ZNF318: variants seen among roughly 807,000 people sequenced by gnomAD.
ZNF318 encodes endocrine regulator.
In ZNF318, 51 loss-of-function variants were observed where a neutral mutation model predicts 124.2. The ratio of observed to expected loss-of-function variants is 0.41; its 90% CI spans 0.33 to 0.52. ZNF318 has a LOEUF of 0.52. Among genes scored for constraint, ZNF318 ranks in the 20% least tolerant of loss-of-function variants. ZNF318 has a pLI of 0.23. For missense variants in ZNF318, 2,815 were observed against 2,811.2 expected, an observed-to-expected ratio of 1.00 and a Z score of -0.03; for synonymous variants, 1,090 against 1,040.7, an observed-to-expected ratio of 1.05 and a Z score of -0.91.
Position 43,357,428 on chromosome 6 carries a change from T to C in ZNF318, c.886A>G (p.Thr296Ala), listed in dbSNP as rs775472884. 6.2e-7 allele frequency: 1 copy of C among 1,613,984 alleles called. No individual in the cohort carries two copies. Among genetic ancestry groups the C allele is most frequent in the Non-Finnish European group, 8.5e-7 (1 of 1,179,964 alleles). Residue 296 changes from threonine (T) to alanine (A), a missense_variant, in exon 3 of 10, where the codon ACT becomes GCT. By Grantham distance (58) the Thr-to-Ala change is moderately conservative. This residue lies in a region of ZNF318 where 1,377 missense variants were observed against 1,353.5 expected (regional missense o/e 1.02). Coordinates refer to ENST00000361428, the MANE Select transcript of ZNF318 (RefSeq NM_014345.3). ...CTTCTACGCTGTCGATAGTTGCGAGTTCCTGATGTAAAACTTGGGTGATCC... is the reference window on the plus strand; with the variant it reads ...CTTCTACGCTGTCGATAGTTGCGAGCTCCTGATGTAAAACTTGGGTGATCC... Reference protein sequence around the residue: ...GGDHPSFTSGTRNYRQRRRSP... With the variant: ...GGDHPSFTSGARNYRQRRRSP...
chr6:43,339,584 T>C lies in ZNF318; in HGVS notation c.4414A>G (p.Ile1472Val), dbSNP rs200747117. 4.7e-5 allele frequency: 76 copies of C among 1,609,828 alleles called. No homozygotes were observed. The highest frequency in any genetic ancestry group is 5.1e-5 in the Non-Finnish European group (60 of 1,179,532). Residue 1472 changes from isoleucine to valine, a missense_variant, in exon 10 of 10, where the codon ATC becomes GTC. Physicochemically the swap from Ile to Val is conservative, Grantham distance 29 (BLOSUM62 3). Coordinates refer to ENST00000361428, the MANE Select transcript of ZNF318 (RefSeq NM_014345.3). The surrounding 1 kb of genome is among the most constrained non-coding windows in gnomAD (Gnocchi z 4.2). ...GGGTTTGATTTTACTGGAGCCAAGA[T>C]AGCATTTGCTTGAGCAGCAGACGGG... is the stretch of plus-strand genomic sequence containing the variant. ...AAPSAAQANA[I>V]LAPVKSNPVV... is the part of the protein sequence containing the mutation.
rs377713816 is a variant in ZNF318, at chr6:43,339,594, T to C, written c.4404A>G (p.Gln1468=). Residue 1468 remains glutamine, a synonymous_variant, in exon 10 of 10, where the codon CAA becomes CAG. Coordinates refer to ENST00000361428, the MANE Select transcript of ZNF318 (RefSeq NM_014345.3). This position sits in a 1 kb window ranked among gnomAD's most constrained non-coding sequence, Gnocchi z 4.2. ...TTACTGGAGCCAAGATAGCATTTGC[T>C]TGAGCAGCAGACGGGGCAGCTGGAT... ...IPHPAAPSAA[Q]ANAILAPVKS... 7 of 1,612,974 alleles carry C rather than the reference T, an allele frequency of 4.3e-6. No homozygotes were observed. In the African/African-American group the frequency reaches 8.1e-5, roughly 19 times the overall value.
chr6:43,351,760 CAAAA>C lies in ZNF318; in HGVS notation c.2770+613_2770+616del, dbSNP rs373851813. Among the ~76,000 whole-genome samples the C allele has an allele frequency of 2.4e-5, 3 of 125,320 alleles. No individual in the cohort carries two copies. The East Asian group carries it at 6.8e-4, about 28-fold the overall frequency. The allele number at this position is 125,320 out of a possible 152,430, so 82.2% of individuals were successfully genotyped here. A position where few individuals can be genotyped will look rare whatever the true frequency, so the allele number is the denominator to read the frequency against. ...TGGGCAACAGAGCGAGGCTCCATCT[CAAAA>C]AAAAAAAAAAGTTCAGGAAAAATTA... On this transcript the variant is annotated intron_variant, in intron 5 of 9. Transcript: ENST00000361428.
intron 5 of ZNF318, 36 bp downstream of exon 5, chr6:43,352,341 T>C (rs1779541395): frequency 1.9e-5 from 27 of 1,428,162 alleles, no homozygotes; most frequent in Non-Finnish European, 2.4e-5. Flanking sequence ...CTACGCAAGT[T>C]ATTACAAAAA....
chr6:43,362,783 T>G (rs752633449), intron 2 of ZNF318, among the ~76,000 whole-genome samples: 1 of 152,142 alleles, frequency 6.6e-6, no homozygotes, highest in South Asian at 2.1e-4. Context: ...GGATTACAGG[T>G]ATGAGCCACT....
At chr6:43,356,488 C>A (rs947647457) in intron 3 of ZNF318, among the ~76,000 whole-genome samples, 2 of 152,174 alleles carry the variant, frequency 1.3e-5, no homozygotes, top group Non-Finnish European at 2.9e-5. Context: ...GCTGCTTTGG[C>A]TGAAGTGGGG....
At chr6:43,347,537 T>C (rs1779463840) in intron 6 of ZNF318, among the ~76,000 whole-genome samples, 1 of 152,154 alleles carries the variant, frequency 6.6e-6, no homozygotes. Flanking sequence ...CAGTATGCCA[T>C]TCATTGAGAA....
At chr6:43,353,687 T>A (rs1315251377) in intron 4 of ZNF318, among the ~76,000 whole-genome samples, 1 of 152,214 alleles carries the variant, frequency 6.6e-6, no homozygotes, top group Non-Finnish European at 1.5e-5. Flanking sequence ...TCTTAACTTT[T>A]ATGAGCAAAC....
At position 43,339,482 on chromosome 6, in the gene ZNF318, C is replaced by G; in HGVS notation, c.4516G>C (p.Ala1506Pro). ...GGAATGGCAGCTGGCTGTGCTGAGG[C>G]CATGATGGCTACAGGCAACACTGGG... ...LNPVLPVAIM[A>P]SAQPAAIPSD... Residue 1506 changes from alanine (A) to proline (P), a missense_variant, in exon 10 of 10, where the codon GCC (alanine) becomes CCC (proline). This residue lies in a region of ZNF318 where 500 missense variants were observed against 605.2 expected (regional missense o/e 0.83). Coordinates refer to ENST00000361428, the MANE Select transcript of ZNF318 (RefSeq NM_014345.3). This position sits in a 1 kb window ranked among gnomAD's most constrained non-coding sequence, Gnocchi z 4.2. The G allele has an allele frequency of 6.2e-7, 1 of 1,614,108 alleles. No homozygotes were observed. Among genetic ancestry groups the G allele is most frequent in the Non-Finnish European group, 8.5e-7 (1 of 1,180,034 alleles).
intron 1 of ZNF318, among the ~76,000 whole-genome samples, chr6:43,366,432 C>A (rs1779762227): frequency 6.6e-6 from 1 of 152,128 alleles, no homozygotes; most frequent in Non-Finnish European, 1.5e-5. Context: ...GCACAGCACA[C>A]CCTCACCTCC....
chr6:43,343,523 C>T (rs1779399918), intron 6 of ZNF318, among the ~76,000 whole-genome samples: 1 of 152,014 alleles, frequency 6.6e-6, no homozygotes, highest in South Asian at 2.1e-4. Context: ...TAAAATATCA[C>T]TTTTAGAATT....
In ZNF318 at chr6:43,369,377, C is replaced by A; in HGVS notation, c.-12G>T. 8.1e-7 allele frequency: 1 copy of A among 1,241,182 alleles called. No homozygotes were observed. Among genetic ancestry groups the A allele is most frequent in the Non-Finnish European group, 1.0e-6 (1 of 986,830 alleles). The allele number at this position is 1,241,182 out of a possible 1,614,324, so 76.9% of individuals were successfully genotyped here. A position where few individuals can be genotyped will look rare whatever the true frequency, so the allele number is the denominator to read the frequency against. ...CTGCTGCGGTACATGGTTCTTGCAGCGGCGGCCACGGCGACAGCTCTGACC... is the reference window on the plus strand; with the variant it reads ...CTGCTGCGGTACATGGTTCTTGCAGAGGCGGCCACGGCGACAGCTCTGACC... On this transcript the variant is annotated 5_prime_UTR_variant, in exon 1 of 10. Transcript: ENST00000361428.
In ZNF318 at chr6:43,365,400, C is replaced by T. The variant is rs1779746610; in HGVS notation, c.440G>A (p.Ser147Asn). 6.2e-7 allele frequency: 1 copy of T among 1,614,146 alleles called. No individual in the cohort carries two copies. Among genetic ancestry groups the T allele is most frequent in the Non-Finnish European group, 8.5e-7 (1 of 1,180,012 alleles). Residue 147 changes from serine to asparagine, a missense_variant, in exon 2 of 10, where the codon AGC becomes AAC. Coordinates refer to ENST00000361428, the MANE Select transcript of ZNF318 (RefSeq NM_014345.3). ...GTCATTGCCAACAGTGATCCTTAAG[C>T]TCTTTTCCAAAGAGTCAGAACACAG... ...PGLCSDSLEKSLRITVGNDHF... is the reference protein window; with the variant it reads ...PGLCSDSLEKNLRITVGNDHF...
At position 43,339,251 on chromosome 6, in the gene ZNF318, T is replaced by C; in HGVS notation, c.4747A>G (p.Thr1583Ala). ...YSSGGKGAPE[T>A]KGAPETKLSG... is the part of the protein sequence containing the mutation. Reference sequence around the variant, plus strand: ...AGCTTAGTCTCAGGGGCCCCCTTAGTCTCAGGGGCCCCCTTTCCACCACTA... The same window carrying C: ...AGCTTAGTCTCAGGGGCCCCCTTAGCCTCAGGGGCCCCCTTTCCACCACTA... The change falls in exon 10 of 10, where the codon ACT becomes GCT. Residue 1583 changes from threonine (T) to alanine (A), a missense_variant. Around this residue, in one of 4 missense-constraint regions of ZNF318, gnomAD observed 927 missense variants for 820.6 expected, o/e 1.13. Transcript: ENST00000361428. The surrounding 1 kb of genome is among the most constrained non-coding windows in gnomAD (Gnocchi z 4.2). The C allele has an allele frequency of 6.2e-7, 1 of 1,611,910 alleles. No homozygotes were observed. The highest frequency in any genetic ancestry group is 2.2e-5 in the East Asian group (1 of 44,872).
intron 5 of ZNF318, among the ~76,000 whole-genome samples, chr6:43,349,807 GACACTGTGGTTC>G (rs1779501872): frequency 6.6e-6 from 1 of 152,170 alleles, no homozygotes; most frequent in South Asian, 2.1e-4. Context: ...GGAAAGACCA[GACACTGTGGTTC>G]ATGCCTGTAA....
chr6:43,363,713 C>A (rs1779718574), intron 2 of ZNF318: 1 of 553,648 alleles, frequency 1.8e-6, no homozygotes, highest in Non-Finnish European at 3.2e-6. Context: ...TTCCTGGGGG[C>A]CTCTCTCAAG....
intron 3 of ZNF318, among the ~76,000 whole-genome samples, 183 bp downstream of exon 3, chr6:43,356,943 C>A (rs748641926): frequency 1.3e-5 from 2 of 152,122 alleles, no homozygotes; most frequent in Non-Finnish European, 2.9e-5. Flanking sequence ...AGCAATAGAA[C>A]CCTCTACTGA....
chr6:43,337,519 G>A lies in ZNF318; in HGVS notation c.6479C>T (p.Ser2160Phe). ...GCAAGGAGATGGCCCAAGGCCTGCA[G>A]AATTAATTGTTTTTAATTCCAATCC... is the stretch of plus-strand genomic sequence containing the variant. ...SLGLELKTIN[S>F]AGLGPSPCLP... The change falls in exon 10 of 10, where the codon TCT (serine) becomes TTT (phenylalanine). Residue 2160 changes from serine (S) to phenylalanine (F), a missense_variant. Physicochemically the swap from Ser to Phe is radical, Grantham distance 155 (BLOSUM62 -2). Around this residue, in one of 4 missense-constraint regions of ZNF318, gnomAD observed 927 missense variants for 820.6 expected, o/e 1.13. Transcript: ENST00000361428. The A allele has an allele frequency of 6.2e-7, 1 of 1,614,190 alleles. No individual in the cohort carries two copies. Among genetic ancestry groups the A allele is most frequent in the Non-Finnish European group, 8.5e-7 (1 of 1,180,030 alleles).
chr6:43,338,614 T>A lies in ZNF318; in HGVS notation c.5384A>T (p.Glu1795Val). The change falls in exon 10 of 10, where the codon GAG (glutamate) becomes GTG (valine). Residue 1795 changes from glutamate (E) to valine (V), a missense_variant. This residue lies in a region of ZNF318 where 927 missense variants were observed against 820.6 expected (regional missense o/e 1.13). Coordinates refer to ENST00000361428, the MANE Select transcript of ZNF318 (RefSeq NM_014345.3). ...GGGTCCAATGCTGGTACTTACTCCCTCATCAACTATCCCCTCAGACAGCTC... is the reference window on the plus strand; with the variant it reads ...GGGTCCAATGCTGGTACTTACTCCCACATCAACTATCCCCTCAGACAGCTC... Reference protein sequence around the residue: ...VKELSEGIVDEGVSTSIGPHS... With the variant: ...VKELSEGIVDVGVSTSIGPHS... 6.2e-7 allele frequency: 1 copy of A among 1,614,180 alleles called. No individual in the cohort carries two copies. Among genetic ancestry groups the A allele is most frequent in the South Asian group, 1.1e-5 (1 of 91,088 alleles).
Sources: allele counts gnomAD v4.1 joint callset (sites outside exome capture counted in the v4.1 genomes callset), GRCh38; gene constraint gnomAD v4.1.1; regional missense constraint gnomAD v4.1.1; non-coding constraint Gnocchi (gnomAD v3.1); transcripts MANE v1.5; gene names NCBI Gene and HGNC (gene_info 2026-07-23, HGNC 2026-07-21).